Variants in ITFG1 observed in about 807,000 individuals in gnomAD.
The protein encoded by ITFG1 is integrin alpha FG-GAP repeat containing 1, also known as T-cell immunomodulatory protein.
In ITFG1, 34 loss-of-function variants were observed where a neutral mutation model predicts 81.8. The observed-to-expected ratio is 0.42, with a 90% CI of 0.32 to 0.55. ITFG1 has a LOEUF of 0.55. Ranked by LOEUF, ITFG1 falls within the 20% of genes least tolerant of loss-of-function variation. ITFG1 has a pLI of 0.17. For missense variants in ITFG1, 672 were observed against 755.4 expected, an observed-to-expected ratio of 0.89 and a Z score of 1.29; for synonymous variants, 285 against 270.6, an observed-to-expected ratio of 1.05 and a Z score of -0.52.
chr16:47,242,511 G>C (rs1466429618), intron 12 of ITFG1, among the ~76,000 whole-genome samples: 1 of 151,942 alleles, frequency 6.6e-6, no homozygotes. Flanking sequence ...AAATCAATTA[G>C]AAAATAAGAA....
At position 47,299,394 on chromosome 16, in the gene ITFG1, A is replaced by G. The variant is rs117521090; in HGVS notation, c.1070+11846T>C. ...CAATGGGTTGGGCCACGGAATTCTC[A>G]GCGGTCTCAGTCCTGTACTTTGCTT... is the stretch of plus-strand genomic sequence containing the variant. On this transcript the variant is annotated intron_variant, in intron 10 of 17. Coordinates refer to ENST00000320640, the MANE Select transcript of ITFG1 (RefSeq NM_030790.5). The G allele has an allele frequency of 4.6e-3, 708 of 152,630 alleles. 6 individuals carry two copies. Among genetic ancestry groups the G allele is most frequent in the Non-Finnish European group, 7.1e-3 (483 of 68,374 alleles). The allele number at this position is 152,630 out of a possible 1,614,324, so 9.5% of individuals were successfully genotyped here. A position where few individuals can be genotyped will look rare whatever the true frequency, so the allele number is the denominator to read the frequency against.
intron 10 of ITFG1, among the ~76,000 whole-genome samples, chr16:47,303,632 T>A (rs768340950): frequency 1.7e-4 from 26 of 152,180 alleles, no homozygotes; most frequent in Non-Finnish European, 3.5e-4. Flanking sequence ...TTTTTCCTTT[T>A]ATTTCCTTAG....
At chr16:47,345,090 C>T (rs1048062482) in intron 8 of ITFG1, among the ~76,000 whole-genome samples, 5 of 152,100 alleles carry the variant, frequency 3.3e-5, no homozygotes, top group Non-Finnish European at 4.4e-5. Flanking sequence ...CAAATAATTA[C>T]TATAGTGTTT....
chr16:47,354,701 C>A (rs1968014707), intron 8 of ITFG1, among the ~76,000 whole-genome samples: 1 of 151,094 alleles, frequency 6.6e-6, no homozygotes, highest in South Asian at 2.1e-4. Context: ...AATTCAATAC[C>A]AAAAAAAATT....
At chr16:47,361,058 A>G (rs1390080348) in intron 8 of ITFG1, among the ~76,000 whole-genome samples, 8 of 152,170 alleles carry the variant, frequency 5.3e-5, no homozygotes, top group Admixed American at 4.6e-4. Context: ...TATAACTTTC[A>G]CGAATGACAG....
chr16:47,226,119 G>A (rs1255534451), intron 13 of ITFG1, among the ~76,000 whole-genome samples: 1 of 152,172 alleles, frequency 6.6e-6, no homozygotes, highest in Non-Finnish European at 1.5e-5. Context: ...GTTTTTACAA[G>A]CTACTAAAAT....
At chr16:47,430,979 T>A (rs1246002107) in intron 5 of ITFG1, among the ~76,000 whole-genome samples, 1 of 152,250 alleles carries the variant, frequency 6.6e-6, no homozygotes, top group Non-Finnish European at 1.5e-5. Context: ...TACAATGGAC[T>A]ATTATTAAGC....
At chr16:47,236,015 C>G (rs1229901888) in intron 13 of ITFG1, among the ~76,000 whole-genome samples, 1 of 152,184 alleles carries the variant, frequency 6.6e-6, no homozygotes, top group Non-Finnish European at 1.5e-5. Context: ...GATACATTAT[C>G]TGCAGAAAAG....
At chr16:47,274,272 GAACT>G (rs1211421283) in intron 10 of ITFG1, among the ~76,000 whole-genome samples, 2 of 151,738 alleles carry the variant, frequency 1.3e-5, no homozygotes, top group Admixed American at 6.6e-5. Flanking sequence ...GAAAAAAAAA[GAACT>G]AACCAAATGT....
chr16:47,293,028 A>C (rs117474573), intron 10 of ITFG1, among the ~76,000 whole-genome samples: 18,720 of 148,460 alleles, frequency 0.13, 1,428 homozygotes, highest in Non-Finnish European at 0.15. Context: ...CTCTCTCTCT[A>C]TATATATATG....
intron 8 of ITFG1, among the ~76,000 whole-genome samples, chr16:47,332,723 C>T (rs1967652114): frequency 6.6e-6 from 1 of 152,128 alleles, no homozygotes; most frequent in African/African-American, 2.4e-5. Flanking sequence ...CAGGGAGAGG[C>T]AAGACTTGAC....
intron 7 of ITFG1, among the ~76,000 whole-genome samples, chr16:47,370,864 G>A (rs1030773303): frequency 5.3e-5 from 8 of 152,326 alleles, no homozygotes; most frequent in African/African-American, 1.4e-4. Context: ...TCTAGCTGGC[G>A]AAGTGGCACT....
intron 1 of ITFG1, 84 bp from the exon 2 acceptor site, chr16:47,459,259 T>G (rs529998746): frequency 1.1e-6 from 1 of 896,876 alleles, no homozygotes; most frequent in East Asian, 2.4e-5. Context: ...TTCTGGGCAC[T>G]GTTCTCAACA....
intron 10 of ITFG1, among the ~76,000 whole-genome samples, chr16:47,307,913 T>C (rs1368823728): frequency 6.6e-6 from 1 of 152,222 alleles, no homozygotes; most frequent in East Asian, 1.9e-4. Context: ...TTTCTGTGCC[T>C]GTGTTAATTC....
intron 16 of ITFG1, among the ~76,000 whole-genome samples, chr16:47,159,727 A>G (rs762082352): frequency 7.2e-5 from 11 of 152,096 alleles, no homozygotes; most frequent in Non-Finnish European, 1.0e-4. Flanking sequence ...TATACACATA[A>G]CTTTTTGTTC....
At chr16:47,306,031 C>T (rs935627550) in intron 10 of ITFG1, among the ~76,000 whole-genome samples, 4 of 151,972 alleles carry the variant, frequency 2.6e-5, no homozygotes, top group Admixed American at 1.3e-4. Context: ...GAGAAGTAAT[C>T]GGGGTCGGGA....
chr16:47,352,165 C>A (rs561324037), intron 8 of ITFG1, among the ~76,000 whole-genome samples: 1 of 152,080 alleles, frequency 6.6e-6, no homozygotes, highest in African/African-American at 2.4e-5. Context: ...CTTCATGTCC[C>A]AAATACCAAA....
At chr16:47,189,793 G>C (rs949002185) in intron 14 of ITFG1, among the ~76,000 whole-genome samples, 1 of 152,256 alleles carries the variant, frequency 6.6e-6, no homozygotes, top group Non-Finnish European at 1.5e-5. Context: ...TTTGTTAACT[G>C]CTTTTCTAAC....
At chr16:47,409,651 T>C (rs1968784687) in intron 6 of ITFG1, among the ~76,000 whole-genome samples, 1 of 150,294 alleles carries the variant, frequency 6.7e-6, no homozygotes, top group African/African-American at 2.4e-5. Flanking sequence ...TCTCCTGACC[T>C]TGTGATCCAC....
Sources: gnomAD v4.1 joint callset for allele counts (sites outside exome capture counted in the v4.1 genomes callset) on GRCh38, gnomAD v4.1.1 for gene constraint, MANE v1.5 for transcripts, NCBI Gene and HGNC (gene_info 2026-07-23, HGNC 2026-07-21) for gene names.